PCDHA9: variants seen among roughly 807,000 people sequenced by gnomAD.
PCDHA9 encodes protocadherin alpha 9, also known as protocadherin alpha-9.
A neutral mutation model predicts 62.0 loss-of-function variants in PCDHA9; 62 were observed. The ratio of observed to expected loss-of-function variants is 1.00; its 90% CI spans 0.81 to 1.23. PCDHA9 has a LOEUF of 1.23. PCDHA9 is among the 50% of genes most tolerant of loss of function. The pLI is 0.00. For missense variants in PCDHA9, 1,205 were observed against 1,249.8 expected, an observed-to-expected ratio of 0.96 and a Z score of 0.54; for synonymous variants, 557 against 567.6, an observed-to-expected ratio of 0.98 and a Z score of 0.27.
intron 1 of PCDHA9, among the ~76,000 whole-genome samples, chr5:140,917,087 C>G (rs1275905052): frequency 6.6e-6 from 1 of 152,100 alleles, no homozygotes; most frequent in Non-Finnish European, 1.5e-5. Flanking sequence ...GTAAAGTTCC[C>G]CAGTTGCTGT....
chr5:140,884,247 CG>C (rs1220799816), intron 1 of PCDHA9: 1 of 1,613,280 alleles, frequency 6.2e-7, no homozygotes, highest in Non-Finnish European at 8.5e-7. Flanking sequence ...CCCGCGCTGA[CG>C]GCCACGGCAA....
chr5:140,997,614 A>T (rs1355709943), intron 3 of PCDHA9, among the ~76,000 whole-genome samples: 2 of 152,148 alleles, frequency 1.3e-5, no homozygotes, highest in African/African-American at 4.8e-5. Context: ...GCATGACTAT[A>T]TAGAGATTTT....
intron 1 of PCDHA9, among the ~76,000 whole-genome samples, chr5:140,913,494 T>C (rs1554195964): frequency 6.6e-6 from 1 of 152,116 alleles, no homozygotes; most frequent in Non-Finnish European, 1.5e-5. Flanking sequence ...CATTAGTCTG[T>C]TTAAAACTTT....
chr5:140,856,987 C>G (rs144244943), intron 1 of PCDHA9: 1 of 1,595,238 alleles, frequency 6.3e-7, no homozygotes, highest in Non-Finnish European at 8.6e-7. Flanking sequence ...AGGACAGTAA[C>G]ACTTATGAAA....
Position 140,850,499 on chromosome 5 carries a change from G to C in PCDHA9, c.2004G>C (p.Ser668=), listed in dbSNP as rs2150486529. The C allele has an allele frequency of 1.3e-6, 2 of 1,598,056 alleles. No individual in the cohort carries two copies. The highest frequency in any genetic ancestry group is 2.2e-5 in the East Asian group (1 of 44,842). The part of the protein sequence containing the change: ...ALTATATVLV[S]LVESGQAPKS... ...CGGCCACGGCCACTGTGCTGGTGTC[G>C]CTGGTGGAGAGCGGCCAGGCGCCAA... Residue 668 remains serine, a synonymous_variant, in exon 1 of 4, where the codon TCG becomes TCC. Transcript: ENST00000532602.
chr5:140,870,198 C>G, intron 1 of PCDHA9: 1 of 1,614,172 alleles, frequency 6.2e-7, no homozygotes, highest in Non-Finnish European at 8.5e-7. Context: ...CTCAGCCCAG[C>G]ACGGTCATTG....
chr5:140,961,632 A>T (rs373824042), intron 1 of PCDHA9, among the ~76,000 whole-genome samples: 2 of 152,214 alleles, frequency 1.3e-5, no homozygotes, highest in African/African-American at 4.8e-5. Context: ...ATGAAAAACA[A>T]TCTTAAGTCT....
chr5:140,899,904 C>A (rs1554188779), intron 1 of PCDHA9, among the ~76,000 whole-genome samples: 1 of 151,986 alleles, frequency 6.6e-6, no homozygotes, highest in African/African-American at 2.4e-5. Flanking sequence ...ACATCCTGGG[C>A]TCAAGCAATC....
intron 1 of PCDHA9, chr5:140,863,589 T>C: frequency 2.8e-6 from 1 of 359,456 alleles, no homozygotes; most frequent in Admixed American, 3.7e-5. Flanking sequence ...TCCTGGAAAG[T>C]ATTTCATTCC....
chr5:140,943,923 C>A (rs1454812803), intron 1 of PCDHA9, among the ~76,000 whole-genome samples: 1 of 152,162 alleles, frequency 6.6e-6, no homozygotes, highest in Non-Finnish European at 1.5e-5. Flanking sequence ...GCATGAGCAG[C>A]TTTAGAAGTG....
chr5:140,979,081 G>A, intron 2 of PCDHA9, 74 bp downstream of exon 2: 1 of 1,564,866 alleles, frequency 6.4e-7, no homozygotes, highest in South Asian at 1.2e-5. Flanking sequence ...CATCTCCATA[G>A]GCCAGAAGCA....
intron 1 of PCDHA9, among the ~76,000 whole-genome samples, chr5:140,918,414 T>G (rs2078683449): frequency 6.6e-6 from 1 of 152,198 alleles, no homozygotes; most frequent in African/African-American, 2.4e-5. Context: ...TGGCCAGGAC[T>G]TCCAGTAGGA....
intron 1 of PCDHA9, among the ~76,000 whole-genome samples, chr5:140,943,257 C>CAAA (rs1238620023): frequency 1.0e-4 from 8 of 76,640 alleles, no homozygotes; most frequent in Admixed American, 6.0e-4. Context: ...GACTCTGTCT[C>CAAA]AAAAAAAAAA....
At position 140,869,619 on chromosome 5, in the gene PCDHA9, A is replaced by G. The variant is rs369497274; in HGVS notation, c.2394+18730A>G. On this transcript the variant is annotated intron_variant, in intron 1 of 3. Transcript: ENST00000532602. ...AGAATGCTCTATTGACCTACAGGCT[A>G]AGTAAAAATGAGTATTTTTCTTTAG... The G allele has an allele frequency of 6.6e-5, 106 of 1,613,784 alleles. 2 individuals carry two copies. The Middle Eastern group carries it at 4.9e-3, about 75-fold the overall frequency.
At chr5:140,896,673 G>T (rs962137649) in intron 1 of PCDHA9, among the ~76,000 whole-genome samples, 1 of 152,000 alleles carries the variant, frequency 6.6e-6, no homozygotes, top group African/African-American at 2.4e-5. Context: ...CACTGTGCCC[G>T]GCCCTTTGCC....
chr5:140,943,605 CTT>C (rs1232110768), intron 1 of PCDHA9, among the ~76,000 whole-genome samples: 5 of 152,064 alleles, frequency 3.3e-5, no homozygotes, highest in African/African-American at 1.2e-4. Context: ...TAAATATAGA[CTT>C]TGATTCATCT....
intron 3 of PCDHA9, among the ~76,000 whole-genome samples, chr5:140,994,812 A>G (rs565084284): frequency 6.6e-5 from 10 of 152,328 alleles, no homozygotes; most frequent in African/African-American, 2.2e-4. Flanking sequence ...CAAAATACAA[A>G]AAACTGAATT....
chr5:140,857,359 G>T lies in PCDHA9; in HGVS notation c.2394+6470G>T, dbSNP rs200721411. ...GGGGCTCGCCTCCGCTGTGGGCCAC[G>T]GCCAGCGTGTCTGTGGAGGTGGCCG... On this transcript the variant is annotated intron_variant, in intron 1 of 3. Coordinates refer to ENST00000532602, the MANE Select transcript of PCDHA9 (RefSeq NM_031857.2). 3 of 1,598,398 alleles carry T rather than the reference G, an allele frequency of 1.9e-6. No individual in the cohort carries two copies. The South Asian group carries it at 3.3e-5, about 18-fold the overall frequency.
At chr5:140,876,567 G>A (rs782286416) in intron 1 of PCDHA9, 1 of 1,614,186 alleles carries the variant, frequency 6.2e-7, no homozygotes, top group Non-Finnish European at 8.5e-7. Context: ...ATGCTCAGGT[G>A]GGTACCGTCA....
Sources: allele counts gnomAD v4.1 joint callset (sites outside exome capture counted in the v4.1 genomes callset), GRCh38; gene constraint gnomAD v4.1.1; transcripts MANE v1.5; gene names NCBI Gene and HGNC (gene_info 2026-07-23, HGNC 2026-07-21).